Variants in DCC observed in about 807,000 individuals in gnomAD.
The protein encoded by DCC is DCC netrin 1 receptor, also known as netrin receptor DCC.
A neutral mutation model predicts 172.5 loss-of-function variants in DCC; 58 were observed. The ratio of observed to expected loss-of-function variants is 0.34; its 90% CI spans 0.27 to 0.42. The LOEUF (loss-of-function observed/expected upper bound fraction) is 0.42, where lower values mean the gene tolerates loss of function less well. DCC is among the 10% of genes least tolerant of loss of function. The pLI, the probability that DCC is intolerant of heterozygous loss-of-function variation, is 1.00. For synonymous variants in DCC, 709 were observed against 644.5 expected (o/e 1.10, Z -1.52); for missense variants, 1,740 against 1,791.0 (o/e 0.97, Z 0.51).
At chr18:52,620,643 T>C (rs1191879450) in intron 1 of DCC, among the ~76,000 whole-genome samples, 4 of 151,708 alleles carry the variant, frequency 2.6e-5, no homozygotes, top group Non-Finnish European at 4.4e-5. Flanking sequence ...TTTAAATTAC[T>C]TTTTAGTTAT....
At chr18:53,150,893 C>A (rs2043987490) in intron 7 of DCC, among the ~76,000 whole-genome samples, 1 of 152,202 alleles carries the variant, frequency 6.6e-6, no homozygotes, top group Non-Finnish European at 1.5e-5. Context: ...TCAACTGTAT[C>A]TTTCAGGCTT....
At chr18:52,899,514 C>A (rs2039780233) in intron 2 of DCC, among the ~76,000 whole-genome samples, 1 of 151,860 alleles carries the variant, frequency 6.6e-6, no homozygotes, top group Non-Finnish European at 1.5e-5. Context: ...CCACCACGCC[C>A]ATCTAATTTT....
chr18:53,445,673 A>G (rs927331054), intron 22 of DCC, among the ~76,000 whole-genome samples: 1 of 152,230 alleles, frequency 6.6e-6, no homozygotes. Flanking sequence ...AGTTACTTCA[A>G]TGAACCAATT....
chr18:52,384,908 A>C (rs1275771524), intron 1 of DCC, among the ~76,000 whole-genome samples: 1 of 152,184 alleles, frequency 6.6e-6, no homozygotes, highest in Non-Finnish European at 1.5e-5. Context: ...ATGAAAAGAG[A>C]GATATAAGCC....
At chr18:52,816,073 C>T (rs1345875639) in intron 2 of DCC, among the ~76,000 whole-genome samples, 2 of 152,202 alleles carry the variant, frequency 1.3e-5, no homozygotes, top group Non-Finnish European at 2.9e-5. Context: ...TCACATGTAT[C>T]TGTTTCGGAA....
intron 13 of DCC, among the ~76,000 whole-genome samples, chr18:53,312,340 CAAAAAAAAAA>C (rs1218591102): frequency 1.7e-4 from 3 of 17,536 alleles, no homozygotes; most frequent in African/African-American, 2.9e-4. Flanking sequence ...GACTCTGTCT[CAAAAAAAAAA>C]AAAAAAAAAA....
At chr18:53,012,666 A>C (rs1233864378) in intron 5 of DCC, among the ~76,000 whole-genome samples, 1 of 152,130 alleles carries the variant, frequency 6.6e-6, no homozygotes, top group Non-Finnish European at 1.5e-5. Flanking sequence ...AGATTTTGCC[A>C]AATGTAAATT....
chr18:53,053,194 A>C (rs975632062), intron 5 of DCC, among the ~76,000 whole-genome samples: 1 of 152,052 alleles, frequency 6.6e-6, no homozygotes, highest in Non-Finnish European at 1.5e-5. Flanking sequence ...AGAAAAGAAA[A>C]GGAAAACTTG....
chr18:52,917,517 G>A (rs2040060272), intron 3 of DCC, among the ~76,000 whole-genome samples: 1 of 152,116 alleles, frequency 6.6e-6, no homozygotes, highest in Admixed American at 6.6e-5. Flanking sequence ...ATTCTTTGTT[G>A]TAATGATTGT....
chr18:52,900,827 C>A (rs1191077682), intron 2 of DCC, among the ~76,000 whole-genome samples: 2 of 152,270 alleles, frequency 1.3e-5, no homozygotes, highest in Non-Finnish European at 2.9e-5. Flanking sequence ...AAGGTAGGAA[C>A]TTTGAAATTC....
chr18:52,469,764 A>T (rs1255208517), intron 1 of DCC, among the ~76,000 whole-genome samples: 2 of 152,172 alleles, frequency 1.3e-5, no homozygotes, highest in Non-Finnish European at 2.9e-5. Context: ...TCTTTGTTCC[A>T]TATAGTGATT....
chr18:52,844,560 AT>A (rs1168649137), intron 2 of DCC, among the ~76,000 whole-genome samples: 1 of 152,176 alleles, frequency 6.6e-6, no homozygotes, highest in African/African-American at 2.4e-5. Flanking sequence ...GGTATACATT[AT>A]TTTATTCATT....
chr18:52,781,459 G>A (rs530610378), intron 2 of DCC, among the ~76,000 whole-genome samples: 3 of 152,218 alleles, frequency 2.0e-5, no homozygotes, highest in Non-Finnish European at 2.9e-5. Context: ...TATAGTCAAC[G>A]TGTGTTGAAT....
At chr18:53,524,883 G>GTCTT (rs996897480) in intron 27 of DCC, among the ~76,000 whole-genome samples, 3 of 151,938 alleles carry the variant, frequency 2.0e-5, no homozygotes, top group Admixed American at 2.0e-4. Context: ...TACTTATTTT[G>GTCTT]TCTTTATTTT....
At chr18:52,895,207 A>C (rs1375337569) in intron 2 of DCC, among the ~76,000 whole-genome samples, 1 of 152,260 alleles carries the variant, frequency 6.6e-6, no homozygotes, top group Non-Finnish European at 1.5e-5. Flanking sequence ...AAGTAGGCCC[A>C]ACAAATATCA....
At chr18:52,784,307 T>C (rs2037610965) in intron 2 of DCC, among the ~76,000 whole-genome samples, 1 of 152,156 alleles carries the variant, frequency 6.6e-6, no homozygotes, top group Non-Finnish European at 1.5e-5. Flanking sequence ...ACATTTTCTT[T>C]ATCCATTTAC....
chr18:53,060,597 C>G (rs990701809), intron 5 of DCC, among the ~76,000 whole-genome samples: 1 of 152,096 alleles, frequency 6.6e-6, no homozygotes, highest in East Asian at 1.9e-4. Flanking sequence ...CCCTGTGGTA[C>G]TTAACAATAT....
At chr18:53,314,962 T>C (rs1269968003) in intron 13 of DCC, among the ~76,000 whole-genome samples, 1 of 152,166 alleles carries the variant, frequency 6.6e-6, no homozygotes, top group Non-Finnish European at 1.5e-5. Flanking sequence ...TCTAAACTGC[T>C]TTCTTTTTAT....
chr18:53,356,110 G>C (rs760486437), intron 15 of DCC, among the ~76,000 whole-genome samples: 4 of 151,788 alleles, frequency 2.6e-5, no homozygotes, highest in Admixed American at 2.6e-4. Flanking sequence ...GCTGGAGTGC[G>C]GTGGTGTGAT....
Sources: allele counts gnomAD v4.1 joint callset (sites outside exome capture counted in the v4.1 genomes callset), GRCh38; gene constraint gnomAD v4.1.1; transcripts MANE v1.5; gene names NCBI Gene and HGNC (gene_info 2026-07-23, HGNC 2026-07-21).